The following IFT80 variants were observed in gnomAD, a reference collection of about 807,000 sequenced individuals.
IFT80 encodes the protein intraflagellar transport 80.
IFT80 carries 79 observed loss-of-function variants against 107.9 expected under a neutral mutation model. The observed-to-expected ratio is 0.73, with a 90% CI of 0.61 to 0.88. The LOEUF (loss-of-function observed/expected upper bound fraction) is 0.88. IFT80 is among the 40% of genes least tolerant of loss of function. The probability of loss-of-function intolerance (pLI) is 0.00; values close to 1 mark genes in which losing one functional copy is unlikely to be tolerated. For missense variants in IFT80, 797 were observed against 914.2 expected (o/e 0.87, Z 1.65); for synonymous variants, 299 against 300.9 (o/e 0.99, Z 0.07).
Position 160,258,578 on chromosome 3 carries a change from T to A in IFT80, c.2281A>T (p.Arg761Ter). 6.2e-7 allele frequency: 1 copy of A among 1,613,800 alleles called. No homozygotes were observed. Among genetic ancestry groups the A allele is most frequent in the Non-Finnish European group, 8.5e-7 (1 of 1,179,978 alleles). Residue 761 changes from arginine to a stop codon, truncating the protein, a stop_gained, in exon 20 of 20, where the codon AGA becomes TGA. Transcript: ENST00000326448. LOFTEE classifies it high-confidence loss of function. ...GATTGGCTGCTTGATGATTGCTCTC[T>A]TTCTTTTGTAATTTCCATCTCAATT... ...AKIEMEITKE[R>*]EQSSSSQSSK...
At chr3:160,289,155 T>A (rs1052493168) in intron 12 of IFT80, among the ~76,000 whole-genome samples, 2 of 152,180 alleles carry the variant, frequency 1.3e-5, no homozygotes, top group African/African-American at 4.8e-5. Context: ...ATGTTCTTTG[T>A]GGGAACGTTG....
rs17217123 is a variant in IFT80, at chr3:160,384,852, G to A, written c.-46-206C>T. Among the ~76,000 whole-genome samples, 46 of 152,270 alleles carry A rather than the reference G, an allele frequency of 3.0e-4. No individual in the cohort carries two copies. The East Asian group carries it at 6.4e-3, about 21-fold the overall frequency. On this transcript the variant is annotated intron_variant, in intron 1 of 19. Coordinates refer to ENST00000326448, the MANE Select transcript of IFT80 (RefSeq NM_020800.3). ...GAGAGCTTTGGGCTGAACCCCAGGA[G>A]TCCTCTAAACCTGCCTGAGACAGAT...
chr3:160,350,559 G>A (rs1281613529), intron 8 of IFT80, among the ~76,000 whole-genome samples: 2 of 152,124 alleles, frequency 1.3e-5, no homozygotes, highest in Non-Finnish European at 1.5e-5. Context: ...GCTCATGCCT[G>A]TAATCTCAGC....
chr3:160,344,274 T>C (rs1194959368), intron 8 of IFT80, among the ~76,000 whole-genome samples: 1 of 152,202 alleles, frequency 6.6e-6, no homozygotes. Flanking sequence ...ACTGGTATTT[T>C]CTATTTGTTC....
At chr3:160,309,623 C>T (rs950651654) in intron 9 of IFT80, among the ~76,000 whole-genome samples, 3 of 151,950 alleles carry the variant, frequency 2.0e-5, no homozygotes, top group Non-Finnish European at 4.4e-5. Flanking sequence ...GGAGGTGGAG[C>T]TTGCAGTGAG....
chr3:160,378,309 C>T (rs971020413), intron 3 of IFT80, among the ~76,000 whole-genome samples: 9 of 150,956 alleles, frequency 6.0e-5, no homozygotes, highest in African/African-American at 2.2e-4. Flanking sequence ...TTTCTCTTGA[C>T]CCTCCCTTGG....
rs535638722 is a variant in IFT80, at chr3:160,326,014, T to C, written c.778-6075A>G. Among the ~76,000 whole-genome samples, 18 of 152,194 alleles carry C rather than the reference T, an allele frequency of 1.2e-4. No homozygotes were observed. In the South Asian group the frequency reaches 3.5e-3, roughly 30 times the overall value. ...TAAATTTACAACTTAAAAATTATTTTAAATGTAAGCATTAAAAATTAAAAT... is the reference window on the plus strand; with the variant it reads ...TAAATTTACAACTTAAAAATTATTTCAAATGTAAGCATTAAAAATTAAAAT... On this transcript the variant is annotated intron_variant, in intron 8 of 19. Coordinates refer to ENST00000326448, the MANE Select transcript of IFT80 (RefSeq NM_020800.3).
chr3:160,307,731 T>G lies in IFT80; in HGVS notation c.1008A>C (p.Arg336Ser). The change falls in exon 10 of 20, where the codon AGA becomes AGC. Residue 336 changes from arginine to serine, a missense_variant. By Grantham distance (110) the Arg-to-Ser change is moderately radical. Transcript: ENST00000326448. ...CATAGTTCAAAGATGCTTTAATGACTCTATCACGGAATTCCAGTAAATCCA... is the reference window on the plus strand; with the variant it reads ...CATAGTTCAAAGATGCTTTAATGACGCTATCACGGAATTCCAGTAAATCCA... ...DAVDLLEFRD[R>S]VIKASLNYAH... The G allele has an allele frequency of 6.2e-7, 1 of 1,607,050 alleles. No individual in the cohort carries two copies. The highest frequency in any genetic ancestry group is 8.5e-7 in the Non-Finnish European group (1 of 1,173,668).
chr3:160,260,848 T>A (rs970579662), intron 19 of IFT80, among the ~76,000 whole-genome samples: 1 of 152,194 alleles, frequency 6.6e-6, no homozygotes, highest in Admixed American at 6.5e-5. Flanking sequence ...CTCTAACACA[T>A]TTCTCTTTCT....
rs1184088621 is a variant in IFT80, at chr3:160,352,017, A to T, written c.777+3996T>A. On this transcript the variant is annotated intron_variant, in intron 8 of 19. Transcript: ENST00000326448. ...AAGTGGCAGACATAACACAATAGTA[A>T]TTTTTTTTTTTTTTTTGAGACAGAG... 2.1e-5 allele frequency among the ~76,000 whole-genome samples: 3 copies of T among 143,776 alleles called. No homozygotes were observed. The Admixed American group carries it at 2.1e-4, about 10-fold the overall frequency. 94.3% of individuals were successfully genotyped at this position (143,776 alleles called of 152,430 possible). A position where few individuals can be genotyped will look rare whatever the true frequency, so the allele number is the denominator to read the frequency against.
At chr3:160,344,759 A>T (rs1720163859) in intron 8 of IFT80, among the ~76,000 whole-genome samples, 1 of 152,198 alleles carries the variant, frequency 6.6e-6, no homozygotes, top group African/African-American at 2.4e-5. Context: ...AAAATCTGAT[A>T]ATATGATCAA....
intron 12 of IFT80, among the ~76,000 whole-genome samples, chr3:160,288,629 A>G (rs1715288392): frequency 6.6e-6 from 1 of 152,218 alleles, no homozygotes. Flanking sequence ...TAAGGAACTT[A>G]ACAAATTTAC....
At chr3:160,363,292 G>T (rs531182261) in intron 6 of IFT80, among the ~76,000 whole-genome samples, 1 of 152,172 alleles carries the variant, frequency 6.6e-6, no homozygotes, top group South Asian at 2.1e-4. Context: ...AAATACCTAG[G>T]AATCCAACTT....
chr3:160,344,530 G>A (rs1449430135), intron 8 of IFT80, among the ~76,000 whole-genome samples: 3 of 152,060 alleles, frequency 2.0e-5, no homozygotes, highest in African/African-American at 7.2e-5. Context: ...CGCTGGTCTG[G>A]GCAAAAATTT....
intron 14 of IFT80, among the ~76,000 whole-genome samples, 173 bp from the exon 15 acceptor site, chr3:160,280,987 A>G (rs1348714148): frequency 6.6e-6 from 1 of 152,254 alleles, no homozygotes; most frequent in African/African-American, 2.4e-5. Context: ...AAGAATTTAC[A>G]GAAATATTTG....
At chr3:160,355,566 A>G (rs1004684278) in intron 8 of IFT80, among the ~76,000 whole-genome samples, 1 of 152,176 alleles carries the variant, frequency 6.6e-6, no homozygotes, top group African/African-American at 2.4e-5. Flanking sequence ...CTCTGGTCTT[A>G]AAATGACTAT....
intron 9 of IFT80, among the ~76,000 whole-genome samples, chr3:160,315,115 G>A (rs1717716623): frequency 6.6e-6 from 1 of 150,862 alleles, no homozygotes; most frequent in Non-Finnish European, 1.5e-5. Flanking sequence ...AAGAAAGAAA[G>A]AGGAGGGAGG....
At chr3:160,282,653 G>A in intron 13 of IFT80, 40 bp from the exon 14 acceptor site, 1 of 1,210,966 alleles carries the variant, frequency 8.3e-7, no homozygotes, top group Non-Finnish European at 1.2e-6. Flanking sequence ...GTTAGTTTTA[G>A]TGTTTGACAT....
intron 8 of IFT80, among the ~76,000 whole-genome samples, chr3:160,335,234 C>CTT (rs547574888): frequency 5.1e-5 from 7 of 136,596 alleles, no homozygotes; most frequent in Admixed American, 7.4e-5. Flanking sequence ...TTCTTTTTTT[C>CTT]TTTTTTTTTT....
Sources: allele counts gnomAD v4.1 joint callset (sites outside exome capture counted in the v4.1 genomes callset), GRCh38; gene constraint gnomAD v4.1.1; transcripts MANE v1.5; gene names NCBI Gene and HGNC (gene_info 2026-07-23, HGNC 2026-07-21).